The following WARS1 variants were observed in gnomAD, a reference collection of about 807,000 sequenced individuals.
WARS1 encodes tryptophan--tRNA ligase, cytoplasmic.
WARS1 carries 17 observed loss-of-function variants against 47.8 expected under a neutral mutation model. The observed-to-expected ratio is 0.36, with a 90% CI of 0.24 to 0.53. WARS1 has a LOEUF of 0.53. Among genes scored for constraint, WARS1 ranks in the 20% least tolerant of loss-of-function variants. The pLI, the probability that WARS1 is intolerant of heterozygous loss-of-function variation, is 0.91. For missense variants in WARS1, 434 were observed against 608.0 expected (o/e 0.71, Z 3.01); for synonymous variants, 208 against 228.1 (o/e 0.91, Z 0.79).
chr14:100,353,663 G>A, intron 6 of WARS1, 24 bp downstream of exon 6: 1 of 1,610,316 alleles, frequency 6.2e-7, no homozygotes, highest in Non-Finnish European at 8.5e-7. Context: ...CTATTGAAAA[G>A]GCAGCCAGAC....
intron 6 of WARS1, among the ~76,000 whole-genome samples, chr14:100,350,341 G>A (rs564060769): frequency 3.0e-5 from 4 of 134,314 alleles, no homozygotes; most frequent in African/African-American, 8.4e-5. Context: ...GCAGTAAGCC[G>A]AGATCATGCC....
intron 4 of WARS1, among the ~76,000 whole-genome samples, chr14:100,355,689 T>C (rs1328894355): frequency 6.6e-6 from 1 of 152,142 alleles, no homozygotes; most frequent in Non-Finnish European, 1.5e-5. Flanking sequence ...AGAACAGTAT[T>C]CTGAAAGTGA....
At position 100,337,213 on chromosome 14, in the gene WARS1, A is replaced by G. The variant is rs1325580500; in HGVS notation, c.1114-11T>C. On this transcript the variant is annotated splice_polypyrimidine_tract_variant and intron_variant, in intron 9 of 10. Coordinates refer to ENST00000392882, the MANE Select transcript of WARS1 (RefSeq NM_004184.4). ...CGCATGCTTATTGACCTGCACCAGA[A>G]GAGGACACAGACACGCTCCTCAGTC... The G allele has an allele frequency of 6.2e-7, 1 of 1,613,114 alleles. No individual in the cohort carries two copies. The highest frequency in any genetic ancestry group is 8.5e-7 in the Non-Finnish European group (1 of 1,179,252).
chr14:100,350,741 C>T (rs1032050072), intron 6 of WARS1, among the ~76,000 whole-genome samples: 7 of 152,186 alleles, frequency 4.6e-5, no homozygotes, highest in African/African-American at 1.7e-4. Context: ...AGCACAAATT[C>T]AGGAACTATG....
rs746332233 is a variant in WARS1 at position 100,360,598 on chromosome 14, T to C, written c.378A>G (p.Gln126=). ...CTCTGCGCAGGAAGTGGTGTGGTCT[T>C]TGGCCGGTGGCTCTCTCTATTCGGT... ...LINRIERATG[Q]RPHHFLRRGI... Residue 126 remains glutamine (Q), a synonymous_variant, in exon 4 of 11, where the codon CAA becomes CAG. Coordinates refer to ENST00000392882, the MANE Select transcript of WARS1 (RefSeq NM_004184.4). The C allele has an allele frequency of 9.0e-5, 146 of 1,613,914 alleles. 1 individual carries two copies. The South Asian group carries it at 1.4e-3, about 15-fold the overall frequency.
rs1566839396 is a variant in WARS1, at chr14:100,342,525, T to G, written c.986A>C (p.Tyr329Ser). The part of the protein sequence containing the change: ...MTRDVAPRIG[Y>S]PKPALLHSTF... ...GGAGTGCAGCAGGGCTGGTTTAGGATAGCCGATCCTGGGGGCGACGTCCCT... is the reference window on the plus strand; with the variant it reads ...GGAGTGCAGCAGGGCTGGTTTAGGAGAGCCGATCCTGGGGGCGACGTCCCT... The change falls in exon 9 of 11, where the codon TAT becomes TCT. Residue 329 changes from tyrosine to serine, a missense_variant. By Grantham distance (144) the Tyr-to-Ser change is moderately radical. Coordinates refer to ENST00000392882, the MANE Select transcript of WARS1 (RefSeq NM_004184.4). 4 of 1,613,480 alleles carry G rather than the reference T, an allele frequency of 2.5e-6. No individual in the cohort carries two copies. The highest frequency in any genetic ancestry group is 1.7e-4 in the Middle Eastern group (1 of 5,728).
chr14:100,346,062 C>A (rs1018940144), intron 7 of WARS1, among the ~76,000 whole-genome samples: 4 of 152,230 alleles, frequency 2.6e-5, no homozygotes, highest in Non-Finnish European at 4.4e-5. Flanking sequence ...CCTGAAGCCA[C>A]GCACCAAACA....
intron 6 of WARS1, among the ~76,000 whole-genome samples, chr14:100,352,711 G>A (rs1340869567): frequency 2.0e-5 from 3 of 152,146 alleles, no homozygotes; most frequent in Admixed American, 1.3e-4. Flanking sequence ...GAGAGACCAC[G>A]CCTTAGGGGA....
Position 100,360,658 on chromosome 14 carries a change from C to A in WARS1, c.318G>T (p.Arg106=). The A allele has an allele frequency of 6.2e-7, 1 of 1,611,732 alleles. No homozygotes were observed. The highest frequency in any genetic ancestry group is 8.5e-7 in the Non-Finnish European group (1 of 1,178,846). ...CTTTGTCAATTTTACTACTTCCAAACCGAACTGGAAAAAAAGAAAAGATGA... is the reference window on the plus strand; with the variant it reads ...CTTTGTCAATTTTACTACTTCCAAAACGAACTGGAAAAAAAGAAAAGATGA... ...KGIDYDKLIV[R]FGSSKIDKEL... The change falls in exon 4 of 11, where the codon CGG becomes CGT. Residue 106 remains arginine (R), a synonymous_variant. Transcript: ENST00000392882.
rs866616018 is a variant in WARS1, at chr14:100,344,783, C to T, written c.827-1396G>A. Among the ~76,000 whole-genome samples the T allele has an allele frequency of 1.9e-3, 261 of 139,682 alleles. 1 individual carries two copies. The highest frequency in any genetic ancestry group is 0.018 in the Middle Eastern group (4 of 218). 91.6% of individuals were successfully genotyped at this position (139,682 alleles called of 152,430 possible). A position where few individuals can be genotyped will look rare whatever the true frequency, so the allele number is the denominator to read the frequency against. ...GCCTCTACCCGGCCGCGACCCCATC[C>T]GGGAGGTGAGGAGCGTCTCTGCCCG... On this transcript the variant is annotated intron_variant, in intron 7 of 10. Coordinates refer to ENST00000392882, the MANE Select transcript of WARS1 (RefSeq NM_004184.4).
At chr14:100,341,861 G>A (rs1894186615) in intron 9 of WARS1, among the ~76,000 whole-genome samples, 1 of 152,212 alleles carries the variant, frequency 6.6e-6, no homozygotes, top group Non-Finnish European at 1.5e-5. Flanking sequence ...CTCAGGGCCA[G>A]GAGAGCAGTG....
intron 4 of WARS1, among the ~76,000 whole-genome samples, chr14:100,356,988 G>A (rs900316974): frequency 6.6e-6 from 1 of 152,136 alleles, no homozygotes. Context: ...TTCCAGGAAC[G>A]CAAGGTTGAT....
intron 4 of WARS1, among the ~76,000 whole-genome samples, chr14:100,358,768 G>A (rs994703073): frequency 3.3e-5 from 5 of 152,202 alleles, no homozygotes; most frequent in African/African-American, 1.2e-4. Context: ...ATATTTGCAA[G>A]TAATATTTGA....
intron 6 of WARS1, among the ~76,000 whole-genome samples, chr14:100,347,122 A>T (rs1341219545): frequency 2.2e-4 from 33 of 152,274 alleles, no homozygotes; most frequent in Admixed American, 1.8e-3. Flanking sequence ...AAACAAGGCA[A>T]GAACACAAGC....
intron 9 of WARS1, among the ~76,000 whole-genome samples, chr14:100,339,126 C>T (rs148214214): frequency 0.019 from 2,534 of 130,578 alleles, 26 homozygotes; most frequent in Non-Finnish European, 0.028. Flanking sequence ...CACACACATA[C>T]ACACACACAC....
chr14:100,347,295 G>A (rs1214008829), intron 6 of WARS1, among the ~76,000 whole-genome samples: 1 of 152,188 alleles, frequency 6.6e-6, no homozygotes. Flanking sequence ...CGTATGGATA[G>A]AAACCCACGG....
intron 1 of WARS1, among the ~76,000 whole-genome samples, chr14:100,370,110 C>T (rs1299043023): frequency 6.6e-6 from 1 of 152,172 alleles, no homozygotes; most frequent in Non-Finnish European, 1.5e-5. Context: ...CAGGGCCTTA[C>T]CTGTCCTAGG....
At chr14:100,345,000 G>C (rs1444182132) in intron 7 of WARS1, among the ~76,000 whole-genome samples, 2 of 150,040 alleles carry the variant, frequency 1.3e-5, no homozygotes, top group East Asian at 2.0e-4. Context: ...GAGGGAAGTG[G>C]GGGGGTCAGC....
chr14:100,353,017 C>A (rs1895092119), intron 6 of WARS1: 1 of 152,184 alleles, frequency 6.6e-6, no homozygotes, highest in South Asian at 2.1e-4. Flanking sequence ...CTCTGGAAGA[C>A]TGACTATCCT....
Sources: gnomAD v4.1 joint callset for allele counts (sites outside exome capture counted in the v4.1 genomes callset) on GRCh38, gnomAD v4.1.1 for gene constraint, MANE v1.5 for transcripts, NCBI Gene and HGNC (gene_info 2026-07-23, HGNC 2026-07-21) for gene names.